Variants in TCERG1L observed in about 807,000 individuals in gnomAD.
TCERG1L encodes the protein transcription elongation regulator 1 like.
In TCERG1L, 37 loss-of-function variants were observed where a neutral mutation model predicts 56.3. The observed-to-expected ratio is 0.66, with a 90% CI of 0.51 to 0.87. TCERG1L has a LOEUF of 0.87. TCERG1L is among the 40% of genes least tolerant of loss of function. TCERG1L has a pLI of 0.00. For missense variants in TCERG1L, 799 were observed against 774.2 expected (o/e 1.03, Z -0.38); for synonymous variants, 324 against 326.3 (o/e 0.99, Z 0.08).
chr10:131,114,591 A>G (rs574009513), intron 9 of TCERG1L, among the ~76,000 whole-genome samples: 1 of 152,168 alleles, frequency 6.6e-6, no homozygotes, highest in Non-Finnish European at 1.5e-5. Flanking sequence ...CACCCACCCT[A>G]AACGGGGTAA....
chr10:131,201,867 C>G (rs1006117063), intron 4 of TCERG1L, among the ~76,000 whole-genome samples: 4 of 152,188 alleles, frequency 2.6e-5, no homozygotes, highest in Non-Finnish European at 1.5e-5. Flanking sequence ...TCCACCACCA[C>G]GCTGTGCTGA....
intron 4 of TCERG1L, among the ~76,000 whole-genome samples, chr10:131,200,910 T>TA (rs1845425937): frequency 1.3e-5 from 2 of 152,228 alleles, no homozygotes; most frequent in Admixed American, 1.3e-4. Context: ...ATGGAGGCCC[T>TA]TATAAAAGAG....
chr10:131,269,601 T>C (rs1208063990), intron 3 of TCERG1L, among the ~76,000 whole-genome samples: 3 of 152,202 alleles, frequency 2.0e-5, no homozygotes, highest in Non-Finnish European at 1.5e-5. Context: ...AGGACATTGA[T>C]AGATTAACCT....
Position 131,253,801 on chromosome 10 carries a change from G to C in TCERG1L, c.856+6458C>G, listed in dbSNP as rs191076099. On this transcript the variant is annotated intron_variant, in intron 4 of 11. Transcript: ENST00000368642. ...GCTGTTCAATCAGCAAAGAGTCAAC[G>C]AGAGGTAACTTTGTCCCAAGAATTG... Among the ~76,000 whole-genome samples the C allele has an allele frequency of 1.1e-3, 161 of 152,254 alleles. No individual in the cohort carries two copies. In the Middle Eastern group the frequency reaches 0.014, roughly 13 times the overall value.
intron 11 of TCERG1L, chr10:131,095,226 C>G (rs1239311105): frequency 6.7e-6 from 1 of 149,598 alleles, no homozygotes; most frequent in Non-Finnish European, 1.4e-5. Context: ...CGGCCAACCC[C>G]ACCGGACGGC....
intron 7 of TCERG1L, among the ~76,000 whole-genome samples, chr10:131,144,537 C>A (rs1269075449): frequency 6.6e-6 from 1 of 151,458 alleles, no homozygotes; most frequent in Admixed American, 6.6e-5. Context: ...CCCTGGCAAC[C>A]GGAAGTTGAG....
At chr10:131,126,960 C>T (rs1345476852) in intron 8 of TCERG1L, among the ~76,000 whole-genome samples, 1 of 152,114 alleles carries the variant, frequency 6.6e-6, no homozygotes, top group African/African-American at 2.4e-5. Context: ...GCTGACGAGG[C>T]TGATTAATCA....
chr10:131,300,517 T>C (rs1208410100), intron 3 of TCERG1L, among the ~76,000 whole-genome samples: 1 of 152,192 alleles, frequency 6.6e-6, no homozygotes, highest in Non-Finnish European at 1.5e-5. Context: ...ATCAAAGTAA[T>C]TTTTCATTAT....
intron 4 of TCERG1L, among the ~76,000 whole-genome samples, chr10:131,223,449 T>A (rs1425153291): frequency 6.6e-6 from 1 of 152,230 alleles, no homozygotes; most frequent in Non-Finnish European, 1.5e-5. Flanking sequence ...CCCATCCTGA[T>A]GATTCAGATA....
intron 9 of TCERG1L, among the ~76,000 whole-genome samples, chr10:131,105,356 C>T (rs766081802): frequency 4.6e-5 from 7 of 152,222 alleles, no homozygotes; most frequent in East Asian, 1.9e-4. Flanking sequence ...GGAAGGACAT[C>T]GCCATACACA....
intron 3 of TCERG1L, among the ~76,000 whole-genome samples, chr10:131,289,392 A>C (rs953660156): frequency 6.6e-6 from 1 of 152,268 alleles, no homozygotes. Context: ...AGTTGGAAAT[A>C]AAAGTGCCCA....
chr10:131,221,303 A>G (rs1845729389), intron 4 of TCERG1L, among the ~76,000 whole-genome samples: 1 of 152,160 alleles, frequency 6.6e-6, no homozygotes, highest in Non-Finnish European at 1.5e-5. Context: ...TCACCGGTGG[A>G]GTGGGAGAGA....
At chr10:131,128,173 A>C (rs1022632415) in intron 8 of TCERG1L, among the ~76,000 whole-genome samples, 2 of 152,258 alleles carry the variant, frequency 1.3e-5, no homozygotes, top group Admixed American at 6.5e-5. Flanking sequence ...AGAATAAACT[A>C]GAATGAACCC....
At position 131,292,878 on chromosome 10, in the gene TCERG1L, A is replaced by G. The variant is rs563105508; in HGVS notation, c.670+15333T>C. ...GGGATTTTTTTTTTTTTTGAGACAGAATCTTGCTGTTGTCCAGACTGCATT... is the reference window on the plus strand; with the variant it reads ...GGGATTTTTTTTTTTTTTGAGACAGGATCTTGCTGTTGTCCAGACTGCATT... On this transcript the variant is annotated intron_variant, in intron 3 of 11. Coordinates refer to ENST00000368642, the MANE Select transcript of TCERG1L (RefSeq NM_174937.4). Among the ~76,000 whole-genome samples, 10 of 149,892 alleles carry G rather than the reference A, an allele frequency of 6.7e-5. No homozygotes were observed. In the East Asian group the frequency reaches 1.6e-3, roughly 24 times the overall value.
intron 4 of TCERG1L, among the ~76,000 whole-genome samples, chr10:131,219,949 C>T (rs764195759): frequency 3.3e-5 from 5 of 152,110 alleles, no homozygotes; most frequent in Admixed American, 6.5e-5. Context: ...CCAGGGCCTA[C>T]CAAAGCGCGT....
At chr10:131,294,708 T>C (rs912645004) in intron 3 of TCERG1L, among the ~76,000 whole-genome samples, 7 of 152,160 alleles carry the variant, frequency 4.6e-5, no homozygotes, top group African/African-American at 1.2e-4. Context: ...TCCAACAAAT[T>C]AACAGTAATT....
chr10:131,133,196 C>T (rs1845637613), intron 8 of TCERG1L, among the ~76,000 whole-genome samples: 2 of 152,174 alleles, frequency 1.3e-5, no homozygotes, highest in Admixed American at 6.5e-5. Flanking sequence ...CTCTTGCTCC[C>T]TCTTCCCCTC....
chr10:131,110,516 C>CT (rs1845399950), intron 9 of TCERG1L, among the ~76,000 whole-genome samples: 1 of 152,208 alleles, frequency 6.6e-6, no homozygotes, highest in South Asian at 2.1e-4. Flanking sequence ...CTTGAGCAGA[C>CT]TCTCAGCAGG....
At chr10:131,110,567 C>T (rs949587337) in intron 9 of TCERG1L, among the ~76,000 whole-genome samples, 3 of 152,252 alleles carry the variant, frequency 2.0e-5, no homozygotes, top group African/African-American at 4.8e-5. Context: ...GCACTGTCCA[C>T]GCCTCCTGCT....
Sources: allele counts gnomAD v4.1 joint callset (sites outside exome capture counted in the v4.1 genomes callset), GRCh38; gene constraint gnomAD v4.1.1; transcripts MANE v1.5; gene names NCBI Gene and HGNC (gene_info 2026-07-23, HGNC 2026-07-21).